The following ETV1 variants were observed in gnomAD, a reference collection of about 807,000 sequenced individuals.
The protein encoded by ETV1 is ETS variant transcription factor 1, also known as ETS translocation variant 1.
ETV1 carries 27 observed loss-of-function variants against 62.3 expected under a neutral mutation model. The ratio of observed to expected loss-of-function variants is 0.43; its 90% CI spans 0.32 to 0.60. The LOEUF is 0.60. Ranked by LOEUF, ETV1 falls within the 20% of genes least tolerant of loss-of-function variation. ETV1 has a pLI of 0.06. For synonymous variants in ETV1, 222 were observed against 199.6 expected (o/e 1.11, Z -0.94); for missense variants, 605 against 605.8 (o/e 1.00, Z 0.01).
chr7:13,899,301 A>G (rs1272366916), intron 13 of ETV1, among the ~76,000 whole-genome samples: 1 of 152,232 alleles, frequency 6.6e-6, no homozygotes, highest in African/African-American at 2.4e-5. Context: ...GATGAAAAAG[A>G]CAGGAGGAGC....
At chr7:13,896,553 A>C (rs1781796307) in intron 13 of ETV1, among the ~76,000 whole-genome samples, 1 of 152,128 alleles carries the variant, frequency 6.6e-6, no homozygotes, top group South Asian at 2.1e-4. Flanking sequence ...AATTTAAAAG[A>C]AAAATGTGCT....
chr7:13,956,822 C>G (rs1486342395), intron 6 of ETV1, among the ~76,000 whole-genome samples: 1 of 152,036 alleles, frequency 6.6e-6, no homozygotes, highest in Non-Finnish European at 1.5e-5. Flanking sequence ...ACAAACTCTG[C>G]GTTTGATTTT....
At chr7:13,984,490 G>C (rs1782344194) in intron 5 of ETV1, among the ~76,000 whole-genome samples, 1 of 151,860 alleles carries the variant, frequency 6.6e-6, no homozygotes, top group Non-Finnish European at 1.5e-5. Context: ...AAAAAGTGGA[G>C]TCTAGAAACA....
chr7:13,925,849 C>T (rs1215235623), intron 9 of ETV1, among the ~76,000 whole-genome samples: 1 of 152,012 alleles, frequency 6.6e-6, no homozygotes, highest in Non-Finnish European at 1.5e-5. Flanking sequence ...AGCCACCGCG[C>T]CTGGCCCGAC....
At chr7:13,913,678 G>C (rs1261953879) in intron 9 of ETV1, among the ~76,000 whole-genome samples, 1 of 151,914 alleles carries the variant, frequency 6.6e-6, no homozygotes, top group East Asian at 1.9e-4. Flanking sequence ...ATCTAAATAA[G>C]TTACATTTGT....
rs1030158521 is a variant in ETV1, at chr7:13,909,731, T to C, written c.872-31A>G. ...GATGAAAAAGGAATACATTTATTCATGATAGAAATGAAGCTCACAAACACT... is the reference window on the plus strand; with the variant it reads ...GATGAAAAAGGAATACATTTATTCACGATAGAAATGAAGCTCACAAACACT... On this transcript the variant is annotated intron_variant, in intron 10 of 13. Transcript: ENST00000430479. 5.8e-6 allele frequency: 9 copies of C among 1,543,392 alleles called. No homozygotes were observed. The Admixed American group carries it at 6.9e-5, about 12-fold the overall frequency.
At chr7:13,990,030 T>G (rs1782909996), upstream of ETV1, 1 of 155,686 alleles carries the variant, frequency 6.4e-6, no homozygotes, top group Admixed American at 6.5e-5. Context: ...AGTACTGTTG[T>G]GCGGTTCTGG....
chr7:13,896,134 TG>T (rs1160514202), intron 13 of ETV1, 47 bp from the exon 14 acceptor site: 1 of 1,521,772 alleles, frequency 6.6e-7, no homozygotes, highest in Admixed American at 1.8e-5. Flanking sequence ...CATCGCCAGA[TG>T]GGGAAGGACA....
At chr7:13,904,336 G>C (rs1419789229) in intron 12 of ETV1, among the ~76,000 whole-genome samples, 2 of 152,132 alleles carry the variant, frequency 1.3e-5, no homozygotes, top group Non-Finnish European at 2.9e-5. Flanking sequence ...AACTTTATGA[G>C]GCTGCTACAG....
Position 13,935,759 on chromosome 7 carries a change from T to C in ETV1, c.503A>G (p.His168Arg). 1 of 1,613,540 alleles carries C rather than the reference T, an allele frequency of 6.2e-7. No individual in the cohort carries two copies. The highest frequency in any genetic ancestry group is 8.5e-7 in the Non-Finnish European group (1 of 1,179,818). Residue 168 changes from histidine (H) to arginine (R), a missense_variant, in exon 8 of 14, where the codon CAC becomes CGC. Around this residue, in one of 3 missense-constraint regions of ETV1, gnomAD observed 426 missense variants for 377.8 expected, o/e 1.13. Transcript: ENST00000430479. Reference sequence around the variant, plus strand: ...TGGTATGGACTGCGATGGAGGGAGGTGAGCTGGGAAGGCCCGGTCAGGTTT... The same window carrying C: ...TGGTATGGACTGCGATGGAGGGAGGCGAGCTGGGAAGGCCCGGTCAGGTTT... ...TPKPDRAFPA[H>R]LPPSQSIPDS...
intron 6 of ETV1, among the ~76,000 whole-genome samples, chr7:13,965,588 A>G (rs1790691102): frequency 6.6e-6 from 1 of 152,148 alleles, no homozygotes. Flanking sequence ...CAGTCATCAC[A>G]TGCCTTAGCT....
chr7:13,909,010 C>A (rs1193234968), intron 11 of ETV1, among the ~76,000 whole-genome samples: 1 of 152,042 alleles, frequency 6.6e-6, no homozygotes, highest in Non-Finnish European at 1.5e-5. Context: ...TAACTTGACA[C>A]CCTTTTCTAA....
chr7:13,982,479 A>C (rs187614476), intron 5 of ETV1, among the ~76,000 whole-genome samples: 163 of 152,142 alleles, frequency 1.1e-3, no homozygotes, highest in African/African-American at 3.5e-3. Flanking sequence ...TGGATGAAAA[A>C]ACATTTATGC....
Position 13,939,238 on chromosome 7 carries a change from G to T in ETV1, c.244C>A (p.His82Asn). 6.2e-7 allele frequency: 1 copy of T among 1,603,026 alleles called. No homozygotes were observed. The highest frequency in any genetic ancestry group is 8.5e-7 in the Non-Finnish European group (1 of 1,177,482). Residue 82 changes from histidine to asparagine, a missense_variant, in exon 7 of 14, where the codon CAT becomes AAT. His to Asn is a moderately conservative substitution (Grantham distance 68). Coordinates refer to ENST00000430479, the MANE Select transcript of ETV1 (RefSeq NM_004956.5). ...PDYQAESLAF[H>N]GLPLKIKKEP... ...TTCTTGATTTTCAGTGGCAGGCCATGAAAAGCCACTAGAAAAAAGAACAAA... is the reference window on the plus strand; with the variant it reads ...TTCTTGATTTTCAGTGGCAGGCCATTAAAAGCCACTAGAAAAAAGAACAAA...
In ETV1 at chr7:13,891,892, A is replaced by G. The variant is rs1005004970; in HGVS notation, c.*3974T>C. The G allele has an allele frequency of 1.7e-5, 4 of 231,128 alleles. No individual in the cohort carries two copies. The highest frequency in any genetic ancestry group is 8.8e-5 in the African/African-American group (4 of 45,252). 14.3% of individuals were successfully genotyped at this position (231,128 alleles called of 1,614,324 possible). A position where few individuals can be genotyped will look rare whatever the true frequency, so the allele number is the denominator to read the frequency against. ...TTTTAAATTTTAGTTTTTGTTTTCT[A>G]GGATTCCAAGTAACAAACATCCAAA... On this transcript the variant is annotated 3_prime_UTR_variant, in exon 14 of 14. Transcript: ENST00000430479.
chr7:13,928,891 G>A (rs1785754696), intron 9 of ETV1, among the ~76,000 whole-genome samples: 1 of 152,116 alleles, frequency 6.6e-6, no homozygotes, highest in Non-Finnish European at 1.5e-5. Context: ...CCGGGGGTCG[G>A]AGGTTGCAGT....
chr7:13,949,839 A>G (rs17167684), intron 6 of ETV1, among the ~76,000 whole-genome samples: 2,799 of 152,304 alleles, frequency 0.018, 31 homozygotes, highest in Middle Eastern at 0.037. Flanking sequence ...ATTCACCTAT[A>G]ATATTTCCGA....
chr7:13,892,061 T>C lies in ETV1; in HGVS notation c.*3805A>G, dbSNP rs1219219216. On this transcript the variant is annotated 3_prime_UTR_variant, in exon 14 of 14. Coordinates refer to ENST00000430479, the MANE Select transcript of ETV1 (RefSeq NM_004956.5). ...TATTTCTTTCCTGGTTATATAAAGA[T>C]AAGTTGACTCATTTTGCAATTGTTC... is the stretch of plus-strand genomic sequence containing the variant. 8.6e-6 allele frequency: 2 copies of C among 232,124 alleles called. No homozygotes were observed. Among genetic ancestry groups the C allele is most frequent in the Non-Finnish European group, 1.7e-5 (2 of 117,506 alleles). The allele number at this position is 232,124 out of a possible 1,614,324, so 14.4% of individuals were successfully genotyped here.
In ETV1 at chr7:13,972,288, C is replaced by T. The variant is rs112785671; in HGVS notation, c.235+5139G>A. ...CTCTCTATAAAATACAAAAATTGGCCGGGCATGGTGGTGCGTGCCTGTAGT... is the reference window on the plus strand; with the variant it reads ...CTCTCTATAAAATACAAAAATTGGCTGGGCATGGTGGTGCGTGCCTGTAGT... On this transcript the variant is annotated intron_variant, in intron 6 of 13. Transcript: ENST00000430479. Among the ~76,000 whole-genome samples the T allele has an allele frequency of 4.5e-3, 677 of 151,900 alleles. 2 individuals are homozygous for T. Among genetic ancestry groups the T allele is most frequent in the African/African-American group, 0.015 (619 of 41,418 alleles).
Sources: allele counts gnomAD v4.1 joint callset (sites outside exome capture counted in the v4.1 genomes callset), GRCh38; gene constraint gnomAD v4.1.1; regional missense constraint gnomAD v4.1.1; transcripts MANE v1.5; gene names NCBI Gene and HGNC (gene_info 2026-07-23, HGNC 2026-07-21).